The following SCN3A variants were observed in gnomAD, a reference collection of about 807,000 sequenced individuals.
The protein encoded by SCN3A is sodium channel protein type 3 subunit alpha.
Under a neutral mutation model 187.6 loss-of-function variants are expected in SCN3A, and 60 were observed. The ratio of observed to expected loss-of-function variants is 0.32; its 90% confidence interval spans 0.26 to 0.40. The LOEUF (loss-of-function observed/expected upper bound fraction) is 0.40, where lower values mean the gene tolerates loss of function less well. SCN3A is among the 10% of genes least tolerant of loss of function. The probability of loss-of-function intolerance (pLI) is 1.00; values close to 1 mark genes in which losing one functional copy is unlikely to be tolerated. For missense variants in SCN3A, 1,601 were observed against 2,428.2 expected (o/e 0.66, Z 7.16); for synonymous variants, 788 against 829.2 (o/e 0.95, Z 0.85).
At chr2:165,180,489 A>G (rs1273919543) in intron 2 of SCN3A, among the ~76,000 whole-genome samples, 1 of 151,744 alleles carries the variant, frequency 6.6e-6, no homozygotes, top group East Asian at 1.9e-4. Flanking sequence ...TTTGTAGGCT[A>G]GTTGGAATTT....
intron 2 of SCN3A, among the ~76,000 whole-genome samples, chr2:165,179,135 A>G (rs79571574): frequency 1.4e-5 from 2 of 144,238 alleles, no homozygotes; most frequent in African/African-American, 5.3e-5. Context: ...CTTAGAGGAG[A>G]AAAAAAAAAA....
chr2:165,172,410 T>C (rs1690165128), intron 3 of SCN3A, among the ~76,000 whole-genome samples: 1 of 152,120 alleles, frequency 6.6e-6, no homozygotes, highest in Non-Finnish European at 1.5e-5. Context: ...AGTAGGACTG[T>C]GTGTAAAGGA....
chr2:165,163,967 G>T, intron 6 of SCN3A: 2 of 1,305,310 alleles, frequency 1.5e-6, no homozygotes, highest in Non-Finnish European at 2.2e-6. Flanking sequence ...GCTGGGTTTG[G>T]CACATAGAGC....
chr2:165,144,791 G>A (rs1688221904), intron 12 of SCN3A, among the ~76,000 whole-genome samples: 1 of 151,896 alleles, frequency 6.6e-6, no homozygotes, highest in Non-Finnish European at 1.5e-5. Context: ...ATTTCCATGA[G>A]GTCAGTGGAT....
Position 165,176,141 on chromosome 2 carries a change from A to C in SCN3A, c.254T>G (p.Ile85Ser). Residue 85 changes from isoleucine to serine, a missense_variant, in exon 3 of 28, where the codon ATC (isoleucine) becomes AGC (serine). Physicochemically the swap from Ile to Ser is moderately radical, Grantham distance 142 (BLOSUM62 -2). Transcript: ENST00000283254. ...AAAATCAATACTCACTTTCTTATTGATATAGTAGGGATCCAGGTCCTCCAG... is the reference window on the plus strand; with the variant it reads ...AAAATCAATACTCACTTTCTTATTGCTATAGTAGGGATCCAGGTCCTCCAG... ...EPLEDLDPYY[I>S]NKKTFIVMNK... The C allele has an allele frequency of 6.2e-7, 1 of 1,613,430 alleles. No homozygotes were observed. Among genetic ancestry groups the C allele is most frequent in the Non-Finnish European group, 8.5e-7 (1 of 1,179,464 alleles).
At chr2:165,156,574 A>C (rs1440275960) in intron 9 of SCN3A, among the ~76,000 whole-genome samples, 4 of 150,858 alleles carry the variant, frequency 2.7e-5, no homozygotes, top group South Asian at 4.2e-4. Flanking sequence ...GAAAACAGAC[A>C]AAGAGTGGGG....
In SCN3A at chr2:165,155,851, C is replaced by T. The variant is rs1688989882; in HGVS notation, c.1084G>A (p.Gly362Ser). ...CVKAGRNPNY[G>S]YTSFDTFSWA... ...CTAAAGGTGTCAAAGCTTGTGTAGC[C>T]ATAGTTGGGGTTTCGACCAGCCTTC... The change falls in exon 10 of 28, where the codon GGC (glycine) becomes AGC (serine). Residue 362 changes from glycine (G) to serine (S), a missense_variant. Physicochemically the swap from Gly to Ser is moderately conservative, Grantham distance 56 (BLOSUM62 0). Around this residue, in one of 11 missense-constraint regions of SCN3A, gnomAD observed 47 missense variants for 105.8 expected, o/e 0.44. Transcript: ENST00000283254. 6.2e-7 allele frequency: 1 copy of T among 1,614,026 alleles called. No individual in the cohort carries two copies. The highest frequency in any genetic ancestry group is 1.7e-5 in the Admixed American group (1 of 60,006).
intron 3 of SCN3A, among the ~76,000 whole-genome samples, chr2:165,174,764 A>G (rs977851764): frequency 6.6e-6 from 1 of 152,148 alleles, no homozygotes; most frequent in Non-Finnish European, 1.5e-5. Flanking sequence ...TTCTTTATCA[A>G]TTCTATAGTA....
chr2:165,195,205 T>C (rs1691870745), intron 1 of SCN3A: 1 of 152,056 alleles, frequency 6.6e-6, no homozygotes, highest in Non-Finnish European at 1.5e-5. Context: ...ACCTGGTAAG[T>C]AAGAAACTGA....
chr2:165,134,804 A>G (rs982249358), intron 15 of SCN3A, among the ~76,000 whole-genome samples: 1 of 152,054 alleles, frequency 6.6e-6, no homozygotes, highest in Non-Finnish European at 1.5e-5. Context: ...TGATAGAAAT[A>G]TATTATTTAA....
chr2:165,094,286 A>T lies in SCN3A; in HGVS notation c.4536+88T>A. 4 of 936,474 alleles carry T rather than the reference A, an allele frequency of 4.3e-6. No individual in the cohort carries two copies. The South Asian group carries it at 5.2e-5, about 12-fold the overall frequency. 58.0% of individuals were successfully genotyped at this position (936,474 alleles called of 1,614,324 possible). A position where few individuals can be genotyped will look rare whatever the true frequency, so the allele number is the denominator to read the frequency against. ...ATTAGGGCTCAATATTGGTGATATC[A>T]CCTAATATGTTCTGCTCCAGAGCAT... On this transcript the variant is annotated intron_variant, in intron 26 of 27. Transcript: ENST00000283254.
At chr2:165,108,217 C>T (rs1685951177) in intron 21 of SCN3A, among the ~76,000 whole-genome samples, 1 of 152,094 alleles carries the variant, frequency 6.6e-6, no homozygotes, top group Admixed American at 6.6e-5. Flanking sequence ...TAATATCTTT[C>T]TACTACTATT....
chr2:165,163,245 T>C (rs1263315782), intron 7 of SCN3A, among the ~76,000 whole-genome samples: 3 of 152,130 alleles, frequency 2.0e-5, no homozygotes, highest in Non-Finnish European at 4.4e-5. Flanking sequence ...GCCATATACA[T>C]GCTCTTCAAC....
chr2:165,133,645 T>C (rs1687493229), intron 15 of SCN3A, among the ~76,000 whole-genome samples: 1 of 151,638 alleles, frequency 6.6e-6, no homozygotes, highest in South Asian at 2.1e-4. Flanking sequence ...CACCCAGCCA[T>C]GTCTAGCTTT....
intron 9 of SCN3A, among the ~76,000 whole-genome samples, chr2:165,157,855 A>C (rs575207522): frequency 1.3e-5 from 2 of 152,290 alleles, no homozygotes; most frequent in African/African-American, 4.8e-5. Flanking sequence ...ATCTTTGGCC[A>C]CTGGAAGCTC....
chr2:165,094,937 A>T (rs190426280), intron 25 of SCN3A, among the ~76,000 whole-genome samples: 15 of 152,306 alleles, frequency 9.8e-5, no homozygotes, highest in Admixed American at 8.5e-4. Flanking sequence ...GTATGTTGAT[A>T]TGACAAAAAA....
At chr2:165,162,259 T>TC (rs1689445874) in intron 9 of SCN3A, 49 bp downstream of exon 9, 1 of 1,538,184 alleles carries the variant, frequency 6.5e-7, no homozygotes, top group Non-Finnish European at 8.9e-7. Flanking sequence ...ACCTACTTTT[T>TC]TTTTTCGCAA....
At chr2:165,094,240 A>G in intron 26 of SCN3A, 134 bp downstream of exon 26, 2 of 775,830 alleles carry the variant, frequency 2.6e-6, no homozygotes, top group Non-Finnish European at 2.3e-6. Context: ...GTGAATTATG[A>G]TGCAAAATAT....
At chr2:165,096,607 A>T in intron 23 of SCN3A, 87 bp from the exon 24 acceptor site, 1 of 901,260 alleles carries the variant, frequency 1.1e-6, no homozygotes, top group Non-Finnish European at 1.8e-6. Context: ...GTATTATAAC[A>T]AATAACTTTT....
Sources: allele counts gnomAD v4.1 joint callset (sites outside exome capture counted in the v4.1 genomes callset), GRCh38; gene constraint gnomAD v4.1.1; regional missense constraint gnomAD v4.1.1; transcripts MANE v1.5; gene names NCBI Gene and HGNC (gene_info 2026-07-23, HGNC 2026-07-21).